The following PDE11A variants were observed in gnomAD, a reference collection of about 807,000 sequenced individuals.
PDE11A encodes the protein phosphodiesterase 11A, also known as dual 3',5'-cyclic-AMP and -GMP phosphodiesterase 11A.
In PDE11A, 100 loss-of-function variants were observed where a neutral mutation model predicts 100.5. The observed-to-expected ratio is 1.00, with a 90% CI of 0.85 to 1.18. The LOEUF is 1.18. Ranked by LOEUF, PDE11A falls within the 50% of genes most tolerant of loss-of-function variation. The pLI, the probability that PDE11A is intolerant of heterozygous loss-of-function variation, is 0.00. For synonymous variants in PDE11A, 381 were observed against 420.8 expected (o/e 0.91, Z 1.16); for missense variants, 1,141 against 1,152.6 (o/e 0.99, Z 0.15).
At chr2:178,029,652 G>A (rs1434022242) in intron 1 of PDE11A, among the ~76,000 whole-genome samples, 1 of 152,038 alleles carries the variant, frequency 6.6e-6, no homozygotes, top group Non-Finnish European at 1.5e-5. Context: ...ATACAAATAA[G>A]AGCAAAAGTT....
intron 2 of PDE11A, among the ~76,000 whole-genome samples, chr2:177,965,456 G>GC (rs1372878028): frequency 2.6e-5 from 4 of 152,016 alleles, no homozygotes; most frequent in African/African-American, 4.8e-5. Context: ...CCGGAATAGT[G>GC]TTTCCTAGGT....
intron 10 of PDE11A, among the ~76,000 whole-genome samples, chr2:177,744,754 G>T (rs1370713886): frequency 6.6e-6 from 1 of 152,196 alleles, no homozygotes; most frequent in Non-Finnish European, 1.5e-5. Flanking sequence ...CTTCAAGCTT[G>T]GCCGTGACTT....
intron 8 of PDE11A, 27 bp downstream of exon 8, chr2:177,817,831 A>ATATAAAC (rs3841879): frequency 0.3 from 320,975 of 1,061,904 alleles, 54,125 homozygotes; most frequent in African/African-American, 0.64. Flanking sequence ...TGATGACTCC[A>ATATAAAC]CTTGGTTTAT....
intron 2 of PDE11A, among the ~76,000 whole-genome samples, chr2:177,911,010 A>G (rs2105742700): frequency 6.6e-6 from 1 of 152,310 alleles, no homozygotes; most frequent in East Asian, 1.9e-4. Context: ...TGTCAGCTAA[A>G]TGAACAGGTG....
rs377385061 is a variant in PDE11A at position 177,822,926 on chromosome 2, T to C, written c.1501-2631A>G. On this transcript the variant is annotated intron_variant, in intron 6 of 19. Transcript: ENST00000286063. ...ATCGACTTTTTAATATTAAATTTGT[T>C]TCCATCAATCTTGCTACATTCAATT... Among the ~76,000 whole-genome samples the C allele has an allele frequency of 7.2e-5, 11 of 152,284 alleles. No homozygotes were observed. The East Asian group carries it at 1.3e-3, about 19-fold the overall frequency.
intron 1 of PDE11A, among the ~76,000 whole-genome samples, chr2:178,051,252 A>C (rs2105857419): frequency 6.6e-6 from 1 of 152,334 alleles, no homozygotes; most frequent in African/African-American, 2.4e-5. Context: ...TATCCAGCCA[A>C]ACTAAGCTTC....
intron 4 of PDE11A, among the ~76,000 whole-genome samples, chr2:177,892,751 A>T (rs1379589417): frequency 6.6e-6 from 1 of 152,242 alleles, no homozygotes; most frequent in Non-Finnish European, 1.5e-5. Context: ...CAGCACAGTC[A>T]TTCCTAACAC....
chr2:178,075,757 A>G (rs969584388), upstream of PDE11A, among the ~76,000 whole-genome samples: 4 of 152,100 alleles, frequency 2.6e-5, no homozygotes, highest in African/African-American at 9.7e-5. Flanking sequence ...CAGGATCTGT[A>G]TAAGATCTGA....
At chr2:177,900,539 T>C (rs1173094338) in intron 3 of PDE11A, among the ~76,000 whole-genome samples, 2 of 152,194 alleles carry the variant, frequency 1.3e-5, no homozygotes, top group Non-Finnish European at 2.9e-5. Flanking sequence ...GCAGATCACA[T>C]GAGGCCATGA....
At chr2:177,731,675 T>G (rs2081693514) in intron 10 of PDE11A, among the ~76,000 whole-genome samples, 1 of 152,198 alleles carries the variant, frequency 6.6e-6, no homozygotes. Flanking sequence ...AACTGCTTCT[T>G]AGACTCTCTG....
At chr2:177,708,579 ATGGT>A (rs1046436674) in intron 13 of PDE11A, among the ~76,000 whole-genome samples, 2 of 151,934 alleles carry the variant, frequency 1.3e-5, no homozygotes, top group African/African-American at 4.9e-5. Flanking sequence ...CCCGTTACAC[ATGGT>A]TACCTATGTA....
intron 2 of PDE11A, among the ~76,000 whole-genome samples, chr2:177,917,779 A>G (rs2084974945): frequency 6.6e-6 from 1 of 152,200 alleles, no homozygotes; most frequent in African/African-American, 2.4e-5. Context: ...GGATTATTCT[A>G]CTTATATATC....
At chr2:177,840,851 C>G (rs913095463) in intron 5 of PDE11A, among the ~76,000 whole-genome samples, 2 of 152,212 alleles carry the variant, frequency 1.3e-5, no homozygotes, top group African/African-American at 4.8e-5. Flanking sequence ...TGTATCTAGA[C>G]TATGGTCTTT....
At chr2:177,826,619 A>G (rs947387085) in intron 6 of PDE11A, among the ~76,000 whole-genome samples, 3 of 152,222 alleles carry the variant, frequency 2.0e-5, no homozygotes, top group African/African-American at 7.2e-5. Context: ...TGAAAAATAA[A>G]TGATTGTGCT....
At chr2:177,800,631 C>T (rs942291302) in intron 9 of PDE11A, among the ~76,000 whole-genome samples, 2 of 152,188 alleles carry the variant, frequency 1.3e-5, no homozygotes, top group East Asian at 3.8e-4. Context: ...ACATTTCCTA[C>T]ATGCCTACTG....
intron 9 of PDE11A, among the ~76,000 whole-genome samples, chr2:177,787,592 G>A (rs546224413): frequency 5.0e-4 from 76 of 151,232 alleles, no homozygotes; most frequent in Admixed American, 4.5e-3. Context: ...ACGCAGACTG[G>A]CAAATTGGAT....
intron 2 of PDE11A, among the ~76,000 whole-genome samples, chr2:178,100,137 T>C (rs1019124912): frequency 6.6e-6 from 1 of 152,072 alleles, no homozygotes; most frequent in African/African-American, 2.4e-5. Flanking sequence ...TTTGAGAAAA[T>C]GAAAATGTTC....
intron 4 of PDE11A, among the ~76,000 whole-genome samples, chr2:177,880,047 C>T (rs2084303574): frequency 6.6e-6 from 1 of 152,118 alleles, no homozygotes; most frequent in East Asian, 1.9e-4. Flanking sequence ...CTGTGTCCTC[C>T]AGTAAAATGG....
intron 1 of PDE11A, among the ~76,000 whole-genome samples, chr2:178,064,428 C>T (rs2087016550): frequency 2.0e-5 from 3 of 152,106 alleles, no homozygotes; most frequent in Admixed American, 1.3e-4. Flanking sequence ...GGAGTCAGCT[C>T]CCTCACTTAC....
Sources: allele counts gnomAD v4.1 joint callset (sites outside exome capture counted in the v4.1 genomes callset), GRCh38; gene constraint gnomAD v4.1.1; transcripts MANE v1.5; gene names NCBI Gene and HGNC (gene_info 2026-07-23, HGNC 2026-07-21).